Variants in ROBO1 observed in about 807,000 individuals in gnomAD.
The protein encoded by ROBO1 is roundabout homolog 1.
ROBO1 carries 149 observed loss-of-function variants against 195.9 expected under a neutral mutation model. That is an observed-to-expected ratio of 0.76 (90% CI 0.67 to 0.87). ROBO1 has a LOEUF of 0.87. Ranked by LOEUF, ROBO1 falls within the 40% of genes least tolerant of loss-of-function variation. The pLI is 0.00. For missense variants in ROBO1, 1,933 were observed against 2,068.3 expected, an observed-to-expected ratio of 0.93 and a Z score of 1.27; for synonymous variants, 816 against 733.2, an observed-to-expected ratio of 1.11 and a Z score of -1.82.
intron 4 of ROBO1, among the ~76,000 whole-genome samples, chr3:78,915,739 G>A (rs1011627334): frequency 5.3e-5 from 8 of 152,020 alleles, no homozygotes; most frequent in Non-Finnish European, 1.2e-4. Context: ...GCAGTGGGAT[G>A]ATCACAGCTC....
intron 2 of ROBO1, among the ~76,000 whole-genome samples, chr3:79,244,609 A>G (rs568488934): frequency 9.2e-5 from 14 of 152,222 alleles, no homozygotes; most frequent in South Asian, 2.1e-4. Flanking sequence ...TCATGTAGCT[A>G]CACCCACAGG....
intron 3 of ROBO1, among the ~76,000 whole-genome samples, chr3:79,001,416 T>C (rs1181503043): frequency 6.6e-6 from 1 of 152,126 alleles, no homozygotes; most frequent in African/African-American, 2.4e-5. Flanking sequence ...ATGGGGATTA[T>C]GGGAACTACA....
chr3:78,944,458 C>T (rs1452000733), intron 3 of ROBO1, among the ~76,000 whole-genome samples: 1 of 152,218 alleles, frequency 6.6e-6, no homozygotes, highest in Non-Finnish European at 1.5e-5. Flanking sequence ...CATGCCTGCA[C>T]CCTGATGTCA....
At chr3:79,189,071 T>C (rs1344948881) in intron 2 of ROBO1, among the ~76,000 whole-genome samples, 2 of 151,796 alleles carry the variant, frequency 1.3e-5, no homozygotes, top group East Asian at 1.9e-4. Context: ...ACTAAACACA[T>C]ACATTTCTGT....
At chr3:79,106,031 T>C (rs2079772528) in intron 3 of ROBO1, among the ~76,000 whole-genome samples, 1 of 151,808 alleles carries the variant, frequency 6.6e-6, no homozygotes, top group African/African-American at 2.4e-5. Flanking sequence ...TCCTGGAAAA[T>C]CTAACAAATT....
At chr3:79,438,226 A>G (rs1000104239) in intron 2 of ROBO1, among the ~76,000 whole-genome samples, 1 of 151,936 alleles carries the variant, frequency 6.6e-6, no homozygotes, top group Non-Finnish European at 1.5e-5. Context: ...TTATTTGTAT[A>G]GTCTTAGAAG....
At chr3:79,633,470 G>A (rs1945406909) in intron 1 of ROBO1, among the ~76,000 whole-genome samples, 1 of 151,366 alleles carries the variant, frequency 6.6e-6, no homozygotes, top group Non-Finnish European at 1.5e-5. Flanking sequence ...ATCGGCATGG[G>A]CTACCATGCC....
At chr3:78,658,277 A>G (rs11924995) in intron 17 of ROBO1, among the ~76,000 whole-genome samples, 2,990 of 152,284 alleles carry the variant, frequency 0.02, 94 homozygotes, top group African/African-American at 0.067. Flanking sequence ...TCTATAGAAA[A>G]ACATGCTCAT....
chr3:78,631,426 C>A (rs1705179918), intron 24 of ROBO1, 121 bp from the exon 25 acceptor site: 2 of 1,129,480 alleles, frequency 1.8e-6, no homozygotes, highest in Non-Finnish European at 2.4e-6. Flanking sequence ...CAGAGATAAA[C>A]ATGCTTTTTC....
intron 2 of ROBO1, among the ~76,000 whole-genome samples, chr3:79,583,697 T>A (rs1943729263): frequency 6.6e-6 from 1 of 151,984 alleles, no homozygotes; most frequent in African/African-American, 2.4e-5. Flanking sequence ...TAGTGTTTTT[T>A]TTAAAGATAT....
intron 1 of ROBO1, among the ~76,000 whole-genome samples, chr3:79,621,390 T>C (rs1398955452): frequency 6.6e-6 from 1 of 152,190 alleles, no homozygotes. Context: ...TAAAAAGCTT[T>C]ATTGCTCACA....
chr3:79,007,399 G>T (rs1309402260), intron 3 of ROBO1, among the ~76,000 whole-genome samples: 2 of 152,124 alleles, frequency 1.3e-5, no homozygotes, highest in Admixed American at 1.3e-4. Flanking sequence ...ACCACGGAGA[G>T]GGCAGAAGGA....
intron 4 of ROBO1, chr3:78,938,274 T>C (rs1181761239): frequency 2.2e-5 from 6 of 276,044 alleles, no homozygotes; most frequent in East Asian, 9.3e-5. Context: ...AGCTGAACTA[T>C]AGGCAGCACA....
intron 2 of ROBO1, among the ~76,000 whole-genome samples, chr3:79,530,309 C>A (rs995365419): frequency 6.6e-6 from 1 of 152,116 alleles, no homozygotes; most frequent in African/African-American, 2.4e-5. Flanking sequence ...GTACCACCGA[C>A]AATGACCCTC....
chr3:78,751,497 A>G (rs1576086401), intron 4 of ROBO1, among the ~76,000 whole-genome samples: 1 of 152,128 alleles, frequency 6.6e-6, no homozygotes, highest in East Asian at 1.9e-4. Context: ...AAGCTAGAAT[A>G]TAGAACTCCA....
chr3:79,441,884 A>G (rs1055639444), intron 2 of ROBO1, among the ~76,000 whole-genome samples: 5 of 152,132 alleles, frequency 3.3e-5, no homozygotes, highest in African/African-American at 9.7e-5. Flanking sequence ...ACAACATAAA[A>G]TGATTTCATA....
At chr3:79,110,819 A>G (rs1227135802) in intron 3 of ROBO1, among the ~76,000 whole-genome samples, 6 of 151,640 alleles carry the variant, frequency 4.0e-5, no homozygotes. Flanking sequence ...GAGTCTCGCT[A>G]TGTTGCCCAA....
chr3:79,687,251 A>T (rs1947146937), intron 1 of ROBO1, among the ~76,000 whole-genome samples: 1 of 141,964 alleles, frequency 7.0e-6, no homozygotes, highest in African/African-American at 2.6e-5. Context: ...TTAGACCTAA[A>T]ACCATAAAAA....
chr3:78,626,925 TAA>T (rs1704829307), intron 26 of ROBO1, among the ~76,000 whole-genome samples: 1 of 152,104 alleles, frequency 6.6e-6, no homozygotes, highest in African/African-American at 2.4e-5. Flanking sequence ...AACTTAATTT[TAA>T]AAGACAGGAG....
Sources: allele counts gnomAD v4.1 joint callset (sites outside exome capture counted in the v4.1 genomes callset), GRCh38; gene constraint gnomAD v4.1.1; transcripts MANE v1.5; gene names NCBI Gene and HGNC (gene_info 2026-07-23, HGNC 2026-07-21).